The following ATP11A variants were observed in gnomAD, a reference collection of about 807,000 sequenced individuals.
ATP11A encodes phospholipid-transporting ATPase IH.
Under a neutral mutation model 154.4 loss-of-function variants are expected in ATP11A, and 81 were observed. The ratio of observed to expected loss-of-function variants is 0.52; its 90% confidence interval spans 0.44 to 0.63. The LOEUF is 0.63. ATP11A is among the 30% of genes least tolerant of loss of function. ATP11A has a pLI of 0.00. For missense variants in ATP11A, 1,316 were observed against 1,474.3 expected (o/e 0.89, Z 1.76); for synonymous variants, 623 against 585.9 (o/e 1.06, Z -0.91).
chr13:112,801,771 G>A (rs1284494251), intron 2 of ATP11A, among the ~76,000 whole-genome samples: 7 of 152,136 alleles, frequency 4.6e-5, no homozygotes, highest in African/African-American at 7.2e-5. Flanking sequence ...AAACTGTAAC[G>A]AAATCAAAGA....
At chr13:112,821,459 G>A (rs368369985) in intron 8 of ATP11A, among the ~76,000 whole-genome samples, 3 of 152,052 alleles carry the variant, frequency 2.0e-5, no homozygotes, top group South Asian at 2.1e-4. Context: ...GATTACAGGC[G>A]TGTGCCACCA....
chr13:112,826,754 G>T lies in ATP11A; in HGVS notation c.1084G>T (p.Val362Leu). 6.2e-7 allele frequency: 1 copy of T among 1,614,176 alleles called. No homozygotes were observed. Among genetic ancestry groups the T allele is most frequent in the Non-Finnish European group, 8.5e-7 (1 of 1,180,036 alleles). Residue 362 changes from valine (V) to leucine (L), a missense_variant, in exon 12 of 30, where the codon GTG becomes TTG. Physicochemically the swap from Val to Leu is conservative, Grantham distance 32 (BLOSUM62 1). Around this residue, in one of 5 missense-constraint regions of ATP11A, gnomAD observed 876 missense variants for 1,006.8 expected, o/e 0.87. Coordinates refer to ENST00000375645, the MANE Select transcript of ATP11A (RefSeq NM_015205.3). ...GGTCCTCTTTAACTACATCATCCCT[G>T]TGTCCATGTACGTCACGGTCGAGAT... ...FMVLFNYIIP[V>L]SMYVTVEMQK...
chr13:112,818,860 G>A (rs1159627927), intron 6 of ATP11A, among the ~76,000 whole-genome samples: 9 of 152,236 alleles, frequency 5.9e-5, no homozygotes, highest in Non-Finnish European at 1.0e-4. Context: ...CAGTTAAGTA[G>A]AAGGCCTGTG....
chr13:112,754,912 T>G lies in ATP11A; in HGVS notation c.40-30223T>G, dbSNP rs924245160. ...CCCAGCCCTCCTAGACACCCTGCAC[T>G]TGCCCCTCCCGAGCGCGTGTGCCTG... is the stretch of plus-strand genomic sequence containing the variant. On this transcript the variant is annotated intron_variant, in intron 1 of 29. Transcript: ENST00000375645. The surrounding 1 kb of genome is among the most constrained non-coding windows in gnomAD (Gnocchi z 5.3). Among the ~76,000 whole-genome samples, 4 of 152,130 alleles carry G rather than the reference T, an allele frequency of 2.6e-5. No individual in the cohort carries two copies. Among genetic ancestry groups the G allele is most frequent in the Non-Finnish European group, 4.4e-5 (3 of 68,028 alleles).
rs2078316525 is a variant in ATP11A at position 112,806,129 on chromosome 13, A to G, written c.253-84A>G. 10 of 943,862 alleles carry G rather than the reference A, an allele frequency of 1.1e-5. No individual in the cohort carries two copies. The South Asian group carries it at 1.4e-4, about 14-fold the overall frequency. The allele number at this position is 943,862 out of a possible 1,614,324, so 58.5% of individuals were successfully genotyped here. On this transcript the variant is annotated intron_variant, in intron 3 of 29. Coordinates refer to ENST00000375645, the MANE Select transcript of ATP11A (RefSeq NM_015205.3). ...TTTAAATAAGTCAAAGCGAATGGGA[A>G]GTGCTGGCTCAGGGCAAACTAACCT...
chr13:112,831,875 C>G (rs1594822779), intron 13 of ATP11A, among the ~76,000 whole-genome samples: 1 of 152,084 alleles, frequency 6.6e-6, no homozygotes, highest in Admixed American at 6.5e-5. Flanking sequence ...ACTGTGTGCA[C>G]ACACACACAT....
At chr13:112,802,076 G>A (rs569763582) in intron 2 of ATP11A, among the ~76,000 whole-genome samples, 77 of 152,270 alleles carry the variant, frequency 5.1e-4, no homozygotes, top group Non-Finnish European at 8.1e-4. Context: ...TGGGCGTGGC[G>A]GCTCACACCT....
In ATP11A at chr13:112,819,966, G is replaced by A. The variant is rs770217383; in HGVS notation, c.725+16G>A. On this transcript the variant is annotated intron_variant, in intron 8 of 29. Transcript: ENST00000375645. ...CCGTGGTGAGGTGAGTGCCTCTGCG[G>A]ATGCCTTGGCCACGGTCACCTCCCT... is the stretch of plus-strand genomic sequence containing the variant. 40 of 1,576,038 alleles carry A rather than the reference G, an allele frequency of 2.5e-5. No homozygotes were observed. The South Asian group carries it at 3.8e-4, about 15-fold the overall frequency.
chr13:112,710,920 G>A (rs1339797406), intron 1 of ATP11A, among the ~76,000 whole-genome samples: 1 of 152,152 alleles, frequency 6.6e-6, no homozygotes, highest in African/African-American at 2.4e-5. Flanking sequence ...TCACAGTGCG[G>A]GAGGCTTCAG....
intron 1 of ATP11A, among the ~76,000 whole-genome samples, chr13:112,731,794 A>G (rs1890506226): frequency 6.6e-6 from 1 of 152,180 alleles, no homozygotes; most frequent in Non-Finnish European, 1.5e-5. Context: ...CCTTCAAAAA[A>G]TATCCCATCT....
chr13:112,741,534 C>A (rs776883804), intron 1 of ATP11A, among the ~76,000 whole-genome samples: 1 of 152,148 alleles, frequency 6.6e-6, no homozygotes, highest in African/African-American at 2.4e-5. Context: ...CCAGGCTGCC[C>A]GTTGCATCAG....
At chr13:112,860,187 C>CT in intron 23 of ATP11A, 100 bp from the exon 24 acceptor site, 1 of 1,387,998 alleles carries the variant, frequency 7.2e-7, no homozygotes, top group Non-Finnish European at 9.9e-7. Flanking sequence ...GCGCTCTGGT[C>CT]TTTCTATGCA....
intron 1 of ATP11A, among the ~76,000 whole-genome samples, chr13:112,727,728 T>C (rs1056867301): frequency 2.6e-5 from 4 of 152,188 alleles, no homozygotes; most frequent in Non-Finnish European, 5.9e-5. Flanking sequence ...GGTGGCTGCC[T>C]GGGAAATTCA....
intron 1 of ATP11A, among the ~76,000 whole-genome samples, chr13:112,771,390 C>A (rs1036948015): frequency 6.6e-6 from 1 of 152,212 alleles, no homozygotes; most frequent in Non-Finnish European, 1.5e-5. Context: ...CTGGGACGGG[C>A]GCAGGTGACT....
At position 112,742,195 on chromosome 13, in the gene ATP11A, T is replaced by G. The variant is rs553005960; in HGVS notation, c.40-42940T>G. On this transcript the variant is annotated intron_variant, in intron 1 of 29. Coordinates refer to ENST00000375645, the MANE Select transcript of ATP11A (RefSeq NM_015205.3). ...TGGTGCCAGGTTGAAAGGAGGTTTT[T>G]AAAATAAGTGCAGGCTCATGTAGAG... Among the ~76,000 whole-genome samples, 3 of 152,310 alleles carry G rather than the reference T, an allele frequency of 2.0e-5. No homozygotes were observed. The East Asian group carries it at 5.8e-4, about 29-fold the overall frequency.
chr13:112,706,770 G>A (rs1356807538), intron 1 of ATP11A, among the ~76,000 whole-genome samples: 5 of 152,104 alleles, frequency 3.3e-5, no homozygotes, highest in South Asian at 4.1e-4. Context: ...TTTAAAGGAC[G>A]GCATGGTTTC....
chr13:112,841,225 G>A (rs1415013076), intron 16 of ATP11A, among the ~76,000 whole-genome samples: 28 of 143,314 alleles, frequency 2.0e-4, no homozygotes, highest in Middle Eastern at 4.0e-3. Flanking sequence ...GTGGCTTCGC[G>A]GACCACGGAT....
intron 1 of ATP11A, among the ~76,000 whole-genome samples, chr13:112,771,279 C>T (rs540949099): frequency 6.6e-6 from 1 of 152,254 alleles, no homozygotes; most frequent in Admixed American, 6.5e-5. Flanking sequence ...ACTTCGAATG[C>T]GGAAACATCT....
At position 112,776,117 on chromosome 13, in the gene ATP11A, C is replaced by T. The variant is rs562682252; in HGVS notation, c.40-9018C>T. Among the ~76,000 whole-genome samples, 3 of 152,332 alleles carry T rather than the reference C, an allele frequency of 2.0e-5. No individual in the cohort carries two copies. The South Asian group carries it at 6.2e-4, about 32-fold the overall frequency. On this transcript the variant is annotated intron_variant, in intron 1 of 29. Transcript: ENST00000375645. ...TGGCTGCTGCTGCTTGTTCCAGTGG[C>T]TGTCGTTTGTTTCCACGGGGATTCA...
Sources: allele counts gnomAD v4.1 joint callset (sites outside exome capture counted in the v4.1 genomes callset), GRCh38; gene constraint gnomAD v4.1.1; regional missense constraint gnomAD v4.1.1; non-coding constraint Gnocchi (gnomAD v3.1); transcripts MANE v1.5; gene names NCBI Gene and HGNC (gene_info 2026-07-23, HGNC 2026-07-21).